The following ARHGEF9 variants were observed in gnomAD, a reference collection of about 807,000 sequenced individuals.
The protein encoded by ARHGEF9 is rho guanine nucleotide exchange factor 9.
Under a neutral mutation model 41.3 loss-of-function variants are expected in ARHGEF9, and 2 were observed. That is an observed-to-expected ratio of 0.05 (90% CI 0.02 to 0.15). The LOEUF is 0.15. Among genes scored for constraint, ARHGEF9 ranks in the 10% least tolerant of loss-of-function variants. The probability of loss-of-function intolerance (pLI) is 1.00; values close to 1 mark genes in which losing one functional copy is unlikely to be tolerated. For missense variants in ARHGEF9, 225 were observed against 424.7 expected (o/e 0.53, Z 4.13); for synonymous variants, 160 against 154.4 (o/e 1.04, Z -0.27).
At chrX:63,732,211 T>G (rs2054347211) in intron 1 of ARHGEF9, 1 of 111,852 alleles carries the variant, frequency 8.9e-6, no homozygotes, top group African/African-American at 3.3e-5. Flanking sequence ...CACTTAGTTC[T>G]TCAGATGAAT....
intron 1 of ARHGEF9, among the ~76,000 whole-genome samples, chrX:63,775,366 T>C (rs1218690262): frequency 1.8e-5 from 2 of 112,386 alleles, no homozygotes; most frequent in Middle Eastern, 4.6e-3. Flanking sequence ...ACCATAAAGA[T>C]ATATGCACAT....
chrX:63,733,466 T>C (rs1474848183), intron 1 of ARHGEF9, among the ~76,000 whole-genome samples: 2 of 112,423 alleles, frequency 1.8e-5, no homozygotes, highest in Admixed American at 9.4e-5. Context: ...CTTTTTCTTT[T>C]CCTCAGGTTT....
chrX:63,670,161 T>C (rs781968251), intron 6 of ARHGEF9: 1 of 111,655 alleles, frequency 9.0e-6, no homozygotes, highest in East Asian at 2.8e-4. Flanking sequence ...GGCTGTAATC[T>C]GAGCAGATCC....
At chrX:63,781,635 C>T (rs1195990059) in intron 1 of ARHGEF9, among the ~76,000 whole-genome samples, 2 of 111,881 alleles carry the variant, frequency 1.8e-5, no homozygotes, top group African/African-American at 6.5e-5. Flanking sequence ...CTGATCCAAG[C>T]AACCATCACG....
chrX:63,768,712 T>C (rs1356757287), intron 1 of ARHGEF9, among the ~76,000 whole-genome samples: 20 of 111,630 alleles, frequency 1.8e-4, no homozygotes, highest in Admixed American at 1.1e-3. Context: ...ATATGGTTCT[T>C]GTAATAGTGA....
rs1308987482 is a variant in ARHGEF9 at position 63,696,425 on chromosome X, A to G, written c.582+700T>C. Among the ~76,000 whole-genome samples the G allele has an allele frequency of 2.0e-4, 22 of 111,823 alleles. No individual in the cohort carries two copies. In the Admixed American group the frequency reaches 2.1e-3, roughly 11 times the overall value. On this transcript the variant is annotated intron_variant, in intron 4 of 9. Transcript: ENST00000671741. ...CCAGATGAACAAACCAAAGCCCATGAAGGACTTGCCCAAAGTAACCCAGAC... is the reference window on the plus strand; with the variant it reads ...CCAGATGAACAAACCAAAGCCCATGGAGGACTTGCCCAAAGTAACCCAGAC...
At chrX:63,674,630 C>A (rs2050149525) in intron 5 of ARHGEF9, among the ~76,000 whole-genome samples, 2 of 111,662 alleles carry the variant, frequency 1.8e-5, no homozygotes, top group Admixed American at 1.9e-4. Flanking sequence ...TGTCTGTTCC[C>A]ATACATCTTT....
intron 1 of ARHGEF9, among the ~76,000 whole-genome samples, chrX:63,745,474 C>G (rs1348680522): frequency 1.8e-5 from 2 of 111,268 alleles, no homozygotes; most frequent in Non-Finnish European, 3.8e-5. Flanking sequence ...TTGCTTTCTC[C>G]AACCAAACCT....
At chrX:63,739,201 G>A (rs1322697859) in intron 1 of ARHGEF9, among the ~76,000 whole-genome samples, 2 of 111,659 alleles carry the variant, frequency 1.8e-5, no homozygotes, top group African/African-American at 3.3e-5. Context: ...GAGGAGGTGC[G>A]GGTGACCAAG....
At chrX:63,750,983 T>C (rs1408578322) in intron 1 of ARHGEF9, among the ~76,000 whole-genome samples, 2 of 110,981 alleles carry the variant, frequency 1.8e-5, no homozygotes, top group African/African-American at 6.6e-5. Context: ...CCTGGGCCTT[T>C]AAAGGGTGGG....
chrX:63,770,605 G>A (rs369256472), intron 1 of ARHGEF9, among the ~76,000 whole-genome samples: 12 of 111,842 alleles, frequency 1.1e-4, no homozygotes, highest in South Asian at 3.7e-4. Context: ...GACCAAGGGC[G>A]GAATAATATG....
intron 2 of ARHGEF9, among the ~76,000 whole-genome samples, chrX:63,708,036 A>G (rs2052671491): frequency 8.9e-6 from 1 of 112,033 alleles, no homozygotes; most frequent in Admixed American, 9.5e-5. Context: ...TCCAGCTTCT[A>G]AAAGGTCAGC....
chrX:63,754,038 A>G (rs2055821605), intron 1 of ARHGEF9, among the ~76,000 whole-genome samples: 3 of 112,173 alleles, frequency 2.7e-5, no homozygotes, highest in Middle Eastern at 4.6e-3. Context: ...TGATGGCAAG[A>G]GAGAAATTTT....
chrX:63,644,832 C>T (rs1211329671), intron 8 of ARHGEF9, among the ~76,000 whole-genome samples: 2 of 107,607 alleles, frequency 1.9e-5, no homozygotes, highest in Non-Finnish European at 3.8e-5. Flanking sequence ...TGATCATGAT[C>T]ATGGCTCACT....
At chrX:63,723,118 T>C (rs1305628227) in intron 2 of ARHGEF9, among the ~76,000 whole-genome samples, 1 of 111,387 alleles carries the variant, frequency 9.0e-6, no homozygotes, top group Non-Finnish European at 1.9e-5. Context: ...AAAAAGGTAG[T>C]GGTGATGATT....
At chrX:63,712,841 T>G (rs1405948587) in intron 2 of ARHGEF9, 2 of 111,723 alleles carry the variant, frequency 1.8e-5, no homozygotes, top group African/African-American at 3.3e-5. Context: ...ATGGATTTTG[T>G]GTGAAATCCT....
At chrX:63,689,447 T>A (rs2051190070) in intron 4 of ARHGEF9, among the ~76,000 whole-genome samples, 1 of 111,847 alleles carries the variant, frequency 8.9e-6, no homozygotes, top group Admixed American at 9.5e-5. Context: ...CTACAGGATA[T>A]AACAATTATA....
At chrX:63,673,730 G>C (rs2050096865) in intron 6 of ARHGEF9, among the ~76,000 whole-genome samples, 1 of 111,391 alleles carries the variant, frequency 9.0e-6, no homozygotes, top group African/African-American at 3.3e-5. Flanking sequence ...GTGTGAATCT[G>C]TTGGTCATAA....
Position 63,666,453 on chromosome X carries a change from T to TACACACACACACACACACACAC in ARHGEF9, c.946-458_946-437dup, listed in dbSNP as rs782805278. Among the ~76,000 whole-genome samples the TACACACACACACACACACACAC allele has an allele frequency of 6.0e-4, 49 of 81,259 alleles. 2 individuals carry two copies. The highest frequency in any genetic ancestry group is 2.3e-3 in the African/African-American group (49 of 21,762). 70.6% of individuals were successfully genotyped at this position (81,259 alleles called of 115,157 possible). A position where few individuals can be genotyped will look rare whatever the true frequency, so the allele number is the denominator to read the frequency against. On this transcript the variant is annotated intron_variant, in intron 6 of 9. Coordinates refer to ENST00000671741, the MANE Select transcript of ARHGEF9 (RefSeq NM_001353921.2). ...ACACATACACACATATATATATACA[T>TACACACACACACACACACACAC]ACACACACACACACACACACACACA...
Sources: gnomAD v4.1 joint callset for allele counts (sites outside exome capture counted in the v4.1 genomes callset) on GRCh38, gnomAD v4.1.1 for gene constraint, MANE v1.5 for transcripts, NCBI Gene and HGNC (gene_info 2026-07-23, HGNC 2026-07-21) for gene names.